Variants in SOX5 observed in about 807,000 individuals in gnomAD.
SOX5 encodes the protein SRY-box transcription factor 5, also known as transcription factor SOX-5.
In SOX5, 9 loss-of-function variants were observed where a neutral mutation model predicts 92.0. The ratio of observed to expected loss-of-function variants is 0.10; its 90% CI spans 0.06 to 0.17. The LOEUF (loss-of-function observed/expected upper bound fraction) is 0.17, where lower values mean the gene tolerates loss of function less well. Among genes scored for constraint, SOX5 ranks in the 10% least tolerant of loss-of-function variants. The pLI is 1.00. For synonymous variants in SOX5, 344 were observed against 336.3 expected (o/e 1.02, Z -0.25); for missense variants, 642 against 944.5 (o/e 0.68, Z 4.20).
intron 3 of SOX5, among the ~76,000 whole-genome samples, chr12:23,799,076 AG>A (rs1357113666): frequency 6.6e-6 from 1 of 151,948 alleles, no homozygotes; most frequent in Non-Finnish European, 1.5e-5. Flanking sequence ...TCTCTTTAAG[AG>A]CTTTTTGGGG....
intron 3 of SOX5, among the ~76,000 whole-genome samples, chr12:24,238,588 C>A (rs1218991147): frequency 6.6e-6 from 1 of 152,132 alleles, no homozygotes; most frequent in Non-Finnish European, 1.5e-5. Context: ...AACTCCTGAG[C>A]TCAAGTCATC....
intron 13 of SOX5, among the ~76,000 whole-genome samples, chr12:23,540,015 T>C (rs1005428956): frequency 7.2e-5 from 11 of 152,034 alleles, no homozygotes; most frequent in Admixed American, 2.0e-4. Context: ...ACTATAACCA[T>C]TGTATGCAGC....
chr12:24,418,221 C>T (rs1005114893), intron 1 of SOX5, among the ~76,000 whole-genome samples: 1 of 152,114 alleles, frequency 6.6e-6, no homozygotes, highest in African/African-American at 2.4e-5. Context: ...GTGGTTTTCT[C>T]CTCAATATCC....
chr12:23,595,973 T>C (rs1952349496), intron 9 of SOX5, among the ~76,000 whole-genome samples: 1 of 152,194 alleles, frequency 6.6e-6, no homozygotes, highest in Admixed American at 6.5e-5. Flanking sequence ...TGCTGTCTCA[T>C]TAACTGGTGG....
chr12:23,929,876 T>A (rs1229260370), intron 1 of SOX5, among the ~76,000 whole-genome samples: 2 of 151,928 alleles, frequency 1.3e-5, no homozygotes, highest in African/African-American at 2.4e-5. Context: ...AGTCCATCCA[T>A]GAAGAGGATA....
chr12:24,247,968 G>C (rs961481054), intron 3 of SOX5, among the ~76,000 whole-genome samples: 13 of 152,014 alleles, frequency 8.6e-5, no homozygotes, highest in African/African-American at 3.1e-4. Flanking sequence ...ATGGTCTCTT[G>C]ATGGCTACTT....
At chr12:24,290,613 A>G (rs1946508604) in intron 2 of SOX5, among the ~76,000 whole-genome samples, 2 of 152,010 alleles carry the variant, frequency 1.3e-5, no homozygotes, top group African/African-American at 4.8e-5. Flanking sequence ...TGTCCTCCTA[A>G]ACTTTCCTTT....
chr12:24,341,946 T>C (rs889302589), intron 2 of SOX5, among the ~76,000 whole-genome samples: 14 of 152,192 alleles, frequency 9.2e-5, no homozygotes, highest in African/African-American at 3.4e-4. Flanking sequence ...TGGCTACTGA[T>C]AGTCTCCATC....
chr12:23,594,005 T>G (rs1171944209), intron 9 of SOX5, among the ~76,000 whole-genome samples: 2 of 152,196 alleles, frequency 1.3e-5, no homozygotes, highest in African/African-American at 4.8e-5. Flanking sequence ...AAAACTCTTA[T>G]GAGCACTAGT....
chr12:23,561,851 T>C (rs1331700125), intron 11 of SOX5, among the ~76,000 whole-genome samples: 1 of 150,224 alleles, frequency 6.7e-6, no homozygotes, highest in Non-Finnish European at 1.5e-5. Context: ...GCTTGCTGAA[T>C]GCAACCAACT....
intron 12 of SOX5, among the ~76,000 whole-genome samples, chr12:23,545,539 C>T (rs1942960196): frequency 1.3e-5 from 2 of 152,124 alleles, no homozygotes; most frequent in Admixed American, 1.3e-4. Context: ...AGCTGTGCAG[C>T]TGGTTTCTAG....
chr12:24,501,376 CAAAAAAA>C (rs200917193), intron 1 of SOX5, among the ~76,000 whole-genome samples: 4 of 102,148 alleles, frequency 3.9e-5, no homozygotes, highest in Admixed American at 1.0e-4. Context: ...AGATCCAGTG[CAAAAAAA>C]AAAAAAAAAT....
At chr12:24,175,901 A>G (rs1954755121) in intron 4 of SOX5, among the ~76,000 whole-genome samples, 1 of 152,134 alleles carries the variant, frequency 6.6e-6, no homozygotes, top group South Asian at 2.1e-4. Flanking sequence ...CTCTCTTACA[A>G]AAGGGACCCG....
chr12:24,124,191 C>T (rs1249682792), intron 4 of SOX5, among the ~76,000 whole-genome samples: 1 of 152,152 alleles, frequency 6.6e-6, no homozygotes, highest in Non-Finnish European at 1.5e-5. Flanking sequence ...CTTCTCCTCC[C>T]ACACAATAAT....
At chr12:24,181,858 T>C (rs1344199315) in intron 4 of SOX5, among the ~76,000 whole-genome samples, 2 of 152,164 alleles carry the variant, frequency 1.3e-5, no homozygotes, top group Non-Finnish European at 2.9e-5. Flanking sequence ...GATTCAAAAA[T>C]GGCCCTCTAT....
At chr12:24,056,179 T>G (rs1253926626) in intron 4 of SOX5, among the ~76,000 whole-genome samples, 1 of 152,192 alleles carries the variant, frequency 6.6e-6, no homozygotes, top group Non-Finnish European at 1.5e-5. Context: ...TAATTGTGCA[T>G]ACTGTTGAAA....
intron 2 of SOX5, among the ~76,000 whole-genome samples, chr12:24,356,283 G>C (rs1954818435): frequency 6.6e-6 from 1 of 152,222 alleles, no homozygotes; most frequent in Non-Finnish European, 1.5e-5. Context: ...TGCAGGGATG[G>C]TAGGTAGGGA....
At chr12:23,970,841 A>ATATATTTTTTTTTTTTTTTTTT in intron 4 of SOX5, among the ~76,000 whole-genome samples, 1 of 21,884 alleles carries the variant, frequency 4.6e-5, no homozygotes. Context: ...TATATATATA[A>ATATATTTTTTTTTTTTTTTTTT]TTTTTTTTTT....
intron 1 of SOX5, among the ~76,000 whole-genome samples, chr12:24,559,259 T>C (rs140525225): frequency 1.9e-3 from 283 of 152,336 alleles, no homozygotes; most frequent in African/African-American, 6.3e-3. Flanking sequence ...GTTTCCAGGT[T>C]ACTCTCAAAA....
Sources: allele counts gnomAD v4.1 joint callset (sites outside exome capture counted in the v4.1 genomes callset), GRCh38; gene constraint gnomAD v4.1.1; transcripts MANE v1.5; gene names NCBI Gene and HGNC (gene_info 2026-07-23, HGNC 2026-07-21).